Variants in GRIN2B observed in about 807,000 individuals in gnomAD.
GRIN2B encodes glutamate ionotropic receptor NMDA type subunit 2B, also known as glutamate receptor ionotropic, NMDA 2B.
Under a neutral mutation model 114.5 loss-of-function variants are expected in GRIN2B, and 5 were observed. The observed-to-expected ratio is 0.04, with a 90% CI of 0.02 to 0.09. The LOEUF (loss-of-function observed/expected upper bound fraction) is 0.09. Ranked by LOEUF, GRIN2B falls within the 10% of genes least tolerant of loss-of-function variation. The pLI is 1.00. For synonymous variants in GRIN2B, 787 were observed against 745.1 expected (o/e 1.06, Z -0.92); for missense variants, 1,108 against 1,943.5 (o/e 0.57, Z 8.08).
In GRIN2B at chr12:13,710,750, T is replaced by G. The variant is rs192970094; in HGVS notation, c.1011-34891A>C. On this transcript the variant is annotated intron_variant, in intron 4 of 13. Transcript: ENST00000609686. ...GAGGATACAAACAAATGGAAGAACA[T>G]TCCATGCTCATGGGTAGGAAGAATC... Among the ~76,000 whole-genome samples the G allele has an allele frequency of 2.9e-3, 435 of 152,280 alleles. 1 individual carries two copies. The highest frequency in any genetic ancestry group is 9.5e-3 in the African/African-American group (395 of 41,576).
At chr12:13,719,789 G>A (rs926725276) in intron 4 of GRIN2B, among the ~76,000 whole-genome samples, 13 of 152,030 alleles carry the variant, frequency 8.6e-5, no homozygotes, top group East Asian at 3.9e-4. Context: ...AAATTCTTTC[G>A]TTATTTCGGA....
intron 4 of GRIN2B, among the ~76,000 whole-genome samples, chr12:13,748,979 C>T (rs1311607605): frequency 6.6e-6 from 1 of 152,104 alleles, no homozygotes; most frequent in Non-Finnish European, 1.5e-5. Context: ...TTCTTGCAAC[C>T]CTGGCAAAAT....
chr12:13,582,134 G>A (rs1487731525), intron 10 of GRIN2B, among the ~76,000 whole-genome samples: 1 of 152,146 alleles, frequency 6.6e-6, no homozygotes, highest in African/African-American at 2.4e-5. Context: ...GGCCTGGAGT[G>A]GCCCCCCAAG....
chr12:13,656,531 G>A (rs1039663119), intron 5 of GRIN2B, among the ~76,000 whole-genome samples: 1 of 152,166 alleles, frequency 6.6e-6, no homozygotes, highest in Non-Finnish European at 1.5e-5. Context: ...CTGGTCGCAA[G>A]GTTCTGAAGA....
In GRIN2B at chr12:13,569,790, A is replaced by G. The variant is rs758280051; in HGVS notation, c.2359+40T>C. 8 of 1,286,074 alleles carry G rather than the reference A, an allele frequency of 6.2e-6. 1 individual carries two copies. The highest frequency in any genetic ancestry group is 5.5e-4 in the Middle Eastern group (2 of 3,652). The allele number at this position is 1,286,074 out of a possible 1,614,324, so 79.7% of individuals were successfully genotyped here. On this transcript the variant is annotated intron_variant, in intron 12 of 13. Coordinates refer to ENST00000609686, the MANE Select transcript of GRIN2B (RefSeq NM_000834.5). ...AGGTTGATGTTTTGGACTGGCCATC[A>G]GTAGAGGACAAATGGGCACTTTCCC...
intron 4 of GRIN2B, among the ~76,000 whole-genome samples, chr12:13,679,779 A>C (rs956607787): frequency 6.6e-6 from 1 of 152,114 alleles, no homozygotes; most frequent in Non-Finnish European, 1.5e-5. Context: ...GGTAATGAAA[A>C]GTGTGAAAAA....
chr12:13,708,189 A>G (rs1187180613), intron 4 of GRIN2B, among the ~76,000 whole-genome samples: 1 of 152,148 alleles, frequency 6.6e-6, no homozygotes, highest in Non-Finnish European at 1.5e-5. Flanking sequence ...TGAGCTGGCA[A>G]TTATAAGATT....
chr12:13,839,238 A>G (rs1865336429), intron 3 of GRIN2B, among the ~76,000 whole-genome samples: 1 of 152,198 alleles, frequency 6.6e-6, no homozygotes, highest in South Asian at 2.1e-4. Context: ...AATTAATTAT[A>G]TGGCATAACA....
chr12:13,776,861 T>C (rs1045635982), intron 3 of GRIN2B, among the ~76,000 whole-genome samples: 2 of 152,218 alleles, frequency 1.3e-5, no homozygotes, highest in Non-Finnish European at 1.5e-5. Context: ...CTTCTTAAAA[T>C]TAATACATTT....
At chr12:13,689,990 A>C (rs1017075084) in intron 4 of GRIN2B, among the ~76,000 whole-genome samples, 6 of 152,048 alleles carry the variant, frequency 3.9e-5, no homozygotes, top group Admixed American at 2.6e-4. Context: ...TCTTGCCTCC[A>C]GTCCACATTT....
chr12:13,767,837 TC>T (rs1473346492), intron 3 of GRIN2B, among the ~76,000 whole-genome samples: 5 of 152,212 alleles, frequency 3.3e-5, no homozygotes, highest in Admixed American at 6.5e-5. Context: ...AAAAGACCTC[TC>T]ATCAAGAAAC....
intron 4 of GRIN2B, among the ~76,000 whole-genome samples, chr12:13,695,090 A>G (rs747591019): frequency 1.3e-4 from 20 of 152,182 alleles, no homozygotes; most frequent in Non-Finnish European, 2.8e-4. Flanking sequence ...TAAGCTTTCT[A>G]CATTGTCCCA....
At chr12:13,869,241 C>CT (rs377460231) in intron 2 of GRIN2B, among the ~76,000 whole-genome samples, 20,118 of 127,312 alleles carry the variant, frequency 0.16, 1,839 homozygotes, top group African/African-American at 0.24. Flanking sequence ...CTTTTTTTTT[C>CT]TTTTTTTTTT....
intron 2 of GRIN2B, among the ~76,000 whole-genome samples, chr12:13,944,644 C>A (rs1565595666): frequency 1.3e-5 from 2 of 152,190 alleles, no homozygotes; most frequent in Non-Finnish European, 2.9e-5. Context: ...ATTTTACAAA[C>A]AATTAAAATG....
intron 5 of GRIN2B, among the ~76,000 whole-genome samples, chr12:13,642,993 A>G (rs1452806497): frequency 1.3e-5 from 2 of 152,214 alleles, no homozygotes; most frequent in Non-Finnish European, 2.9e-5. Flanking sequence ...ACCATCAATT[A>G]TAGCAGCAAC....
intron 5 of GRIN2B, among the ~76,000 whole-genome samples, chr12:13,644,091 G>A (rs1949742638): frequency 6.6e-6 from 1 of 152,106 alleles, no homozygotes; most frequent in South Asian, 2.1e-4. Flanking sequence ...TTTCCAGAAG[G>A]TTTCAATTTA....
chr12:13,867,853 A>G (rs1360953833), intron 2 of GRIN2B, among the ~76,000 whole-genome samples: 1 of 151,976 alleles, frequency 6.6e-6, no homozygotes, highest in Non-Finnish European at 1.5e-5. Context: ...GAGAGCATAC[A>G]ATCAAGGTTG....
chr12:13,978,071 A>C (rs1863058656), intron 2 of GRIN2B, among the ~76,000 whole-genome samples: 1 of 152,148 alleles, frequency 6.6e-6, no homozygotes, highest in African/African-American at 2.4e-5. Flanking sequence ...CGAACATTCC[A>C]AAGGACCTAC....
intron 3 of GRIN2B, among the ~76,000 whole-genome samples, chr12:13,846,248 A>G (rs976127139): frequency 9.2e-5 from 14 of 152,222 alleles, no homozygotes; most frequent in Non-Finnish European, 1.9e-4. Context: ...GAATATTTCC[A>G]TTCAACCCTA....
Sources: allele counts gnomAD v4.1 joint callset (sites outside exome capture counted in the v4.1 genomes callset), GRCh38; gene constraint gnomAD v4.1.1; transcripts MANE v1.5; gene names NCBI Gene and HGNC (gene_info 2026-07-23, HGNC 2026-07-21).